Variants in GNAL observed in about 807,000 individuals in gnomAD.
GNAL encodes the protein G protein subunit alpha L.
In GNAL, 18 loss-of-function variants were observed where a neutral mutation model predicts 55.1. The ratio of observed to expected loss-of-function variants is 0.33; its 90% CI spans 0.23 to 0.48. The LOEUF (loss-of-function observed/expected upper bound fraction) is 0.48, where lower values mean the gene tolerates loss of function less well. GNAL is among the 20% of genes least tolerant of loss of function. GNAL has a pLI of 0.99. For synonymous variants in GNAL, 253 were observed against 237.0 expected, an observed-to-expected ratio of 1.07 and a Z score of -0.62; for missense variants, 412 against 614.1, an observed-to-expected ratio of 0.67 and a Z score of 3.48.
chr18:11,776,095 C>A (rs1451310689), intron 4 of GNAL, among the ~76,000 whole-genome samples: 1 of 152,238 alleles, frequency 6.6e-6, no homozygotes, highest in Non-Finnish European at 1.5e-5. Flanking sequence ...TCAACAGCAT[C>A]CGCCTCCAGA....
intron 1 of GNAL, among the ~76,000 whole-genome samples, chr18:11,738,307 T>C (rs554111501): frequency 8.5e-5 from 13 of 152,288 alleles, no homozygotes; most frequent in African/African-American, 2.9e-4. Flanking sequence ...ACTGGACCCC[T>C]GGCCCTTGGC....
chr18:11,723,576 A>C (rs2032146275), intron 1 of GNAL, among the ~76,000 whole-genome samples: 2 of 152,246 alleles, frequency 1.3e-5, no homozygotes, highest in African/African-American at 2.4e-5. Flanking sequence ...GATACTTATC[A>C]AATACATACA....
chr18:11,792,451 G>T (rs998763815), intron 4 of GNAL, among the ~76,000 whole-genome samples: 5 of 152,184 alleles, frequency 3.3e-5, no homozygotes, highest in African/African-American at 4.8e-5. Context: ...CTCCCAAAGT[G>T]CTAGGATTAC....
chr18:11,813,112 G>A (rs544103669), intron 4 of GNAL, among the ~76,000 whole-genome samples: 1 of 151,826 alleles, frequency 6.6e-6, no homozygotes, highest in East Asian at 1.9e-4. Context: ...CAAATTAGTC[G>A]AGCATGGTGG....
intron 1 of GNAL, among the ~76,000 whole-genome samples, chr18:11,750,045 A>G (rs1291660388): frequency 2.0e-5 from 3 of 152,176 alleles, no homozygotes; most frequent in Admixed American, 6.5e-5. Flanking sequence ...AACCGTCCGG[A>G]GGCCTCTGAA....
intron 1 of GNAL, among the ~76,000 whole-genome samples, chr18:11,710,716 A>G (rs1021537354): frequency 6.6e-6 from 1 of 151,888 alleles, no homozygotes; most frequent in Non-Finnish European, 1.5e-5. Context: ...TGAATATATC[A>G]TCCCACTCCT....
At chr18:11,793,569 AAG>A (rs1436819013) in intron 4 of GNAL, among the ~76,000 whole-genome samples, 84 of 148,336 alleles carry the variant, frequency 5.7e-4, no homozygotes, top group African/African-American at 2.1e-3. Flanking sequence ...ACAATAGAGC[AAG>A]ATCCTGTCTC....
At position 11,752,741 on chromosome 18, in the gene GNAL, CG is replaced by C. The variant is rs1438951387; in HGVS notation, c.377-111del. On this transcript the variant is annotated intron_variant, in intron 1 of 11. Transcript: ENST00000334049. This position sits in a 1 kb window ranked among gnomAD's most constrained non-coding sequence, Gnocchi z 4.5. ...GCGAGCTCCTCCAGCCAGGAACCCGCGTGTAGGAAATCCCCGTGCTGGGGGA... is the reference window on the plus strand; with the variant it reads ...GCGAGCTCCTCCAGCCAGGAACCCGCTGTAGGAAATCCCCGTGCTGGGGGA... 1.7e-6 allele frequency: 2 copies of C among 1,151,656 alleles called. No homozygotes were observed. The highest frequency in any genetic ancestry group is 2.5e-6 in the Non-Finnish European group (2 of 785,676). The allele number at this position is 1,151,656 out of a possible 1,614,324, so 71.3% of individuals were successfully genotyped here. A position where few individuals can be genotyped will look rare whatever the true frequency, so the allele number is the denominator to read the frequency against.
At chr18:11,779,305 C>A (rs897908397) in intron 4 of GNAL, among the ~76,000 whole-genome samples, 4 of 152,178 alleles carry the variant, frequency 2.6e-5, no homozygotes, top group African/African-American at 7.2e-5. Flanking sequence ...TATTAGATTT[C>A]TTCCCACCAG....
Position 11,884,640 on chromosome 18 carries a change from AGGGAAAGTTAT to A in GNAL, c.*3507_*3517del, listed in dbSNP as rs764788951. ...GCGTGATGCTACCCTGGAAAGGAGA[AGGGAAAGTTAT>A]GCTGAGAGCACCAGGCACACGTTGA... On this transcript the variant is annotated 3_prime_UTR_variant, in exon 12 of 12. Transcript: ENST00000334049. The A allele has an allele frequency of 3.8e-5, 61 of 1,611,992 alleles. No homozygotes were observed. The Middle Eastern group carries it at 5.0e-4, about 13-fold the overall frequency.
intron 4 of GNAL, among the ~76,000 whole-genome samples, chr18:11,765,308 ATGTTTATAGGGTACGTGTGATATTT>A (rs2033370538): frequency 6.6e-6 from 1 of 152,226 alleles, no homozygotes; most frequent in Non-Finnish European, 1.5e-5. Context: ...ATAGTTGTAC[ATGTTTATAGGGTACGTGTGATATTT>A]TGATGCAAGC....
intron 4 of GNAL, among the ~76,000 whole-genome samples, chr18:11,824,697 A>AG (rs905394604): frequency 1.6e-4 from 4 of 24,544 alleles, no homozygotes; most frequent in African/African-American, 2.6e-4. Flanking sequence ...CAAAAAAAAA[A>AG]CAAAAAACTT....
chr18:11,793,221 A>G (rs540900684), intron 4 of GNAL, among the ~76,000 whole-genome samples: 36 of 152,374 alleles, frequency 2.4e-4, no homozygotes, highest in Admixed American at 2.0e-3. Flanking sequence ...AAGACAATCC[A>G]CAGAATGAGA....
chr18:11,769,037 T>G (rs1312117268), intron 4 of GNAL, among the ~76,000 whole-genome samples: 2 of 75,600 alleles, frequency 2.6e-5, no homozygotes, highest in Admixed American at 1.5e-4. Context: ...ATATTATATA[T>G]AATATATAAT....
Position 11,752,626 on chromosome 18 carries a change from A to C in GNAL, c.377-227A>C, listed in dbSNP as rs1399404072. On this transcript the variant is annotated intron_variant, in intron 1 of 11. Transcript: ENST00000334049. The surrounding 1 kb of genome is among the most constrained non-coding windows in gnomAD (Gnocchi z 4.5). ...GGCTCCCGGCCCCAGCGGAGCGCACAGCCAGGAGCGGCGAGCGCCAGGCTG... is the reference window on the plus strand; with the variant it reads ...GGCTCCCGGCCCCAGCGGAGCGCACCGCCAGGAGCGGCGAGCGCCAGGCTG... 1 of 1,514,620 alleles carries C rather than the reference A, an allele frequency of 6.6e-7. No homozygotes were observed. Among genetic ancestry groups the C allele is most frequent in the Non-Finnish European group, 8.8e-7 (1 of 1,141,650 alleles). The allele number at this position is 1,514,620 out of a possible 1,614,324, so 93.8% of individuals were successfully genotyped here.
intron 5 of GNAL, among the ~76,000 whole-genome samples, chr18:11,843,950 G>T (rs546407803): frequency 6.6e-6 from 1 of 152,110 alleles, no homozygotes; most frequent in Admixed American, 6.5e-5. Context: ...TCCAGCCTGG[G>T]CAACGGGAGT....
At chr18:11,864,311 C>T (rs1450482673) in intron 6 of GNAL, among the ~76,000 whole-genome samples, 3 of 152,028 alleles carry the variant, frequency 2.0e-5, no homozygotes. Context: ...CCAGGCTGGT[C>T]TCAACTCCTG....
At chr18:11,796,588 A>AAAC (rs1555651471) in intron 4 of GNAL, among the ~76,000 whole-genome samples, 2 of 148,888 alleles carry the variant, frequency 1.3e-5, no homozygotes, top group Non-Finnish European at 3.0e-5. Flanking sequence ...AAAAAAAAAA[A>AAAC]AAAAAAACAA....
intron 1 of GNAL, among the ~76,000 whole-genome samples, chr18:11,743,281 A>G (rs2032617787): frequency 6.8e-6 from 1 of 146,600 alleles, no homozygotes; most frequent in East Asian, 2.0e-4. Context: ...ATGTCACCAC[A>G]CCTTTGATTT....
Sources: gnomAD v4.1 joint callset for allele counts (sites outside exome capture counted in the v4.1 genomes callset) on GRCh38, gnomAD v4.1.1 for gene constraint, Gnocchi (gnomAD v3.1) non-coding constraint, MANE v1.5 for transcripts, NCBI Gene and HGNC (gene_info 2026-07-23, HGNC 2026-07-21) for gene names.